The following GRM1 variants were observed in gnomAD, a reference collection of about 807,000 sequenced individuals.
GRM1 encodes the protein glutamate metabotropic receptor 1.
In GRM1, 33 loss-of-function variants were observed where a neutral mutation model predicts 90.9. The ratio of observed to expected loss-of-function variants is 0.36; its 90% CI spans 0.28 to 0.49. The LOEUF is 0.49. Among genes scored for constraint, GRM1 ranks in the 20% least tolerant of loss-of-function variants. The pLI is 0.99. For missense variants in GRM1, 1,190 were observed against 1,534.3 expected (o/e 0.78, Z 3.75); for synonymous variants, 700 against 613.2 (o/e 1.14, Z -2.09).
At chr6:146,105,400 G>A (rs1211268265) in intron 1 of GRM1, among the ~76,000 whole-genome samples, 1 of 151,992 alleles carries the variant, frequency 6.6e-6, no homozygotes, top group Non-Finnish European at 1.5e-5. Flanking sequence ...GTAGATAGGA[G>A]TAAGTTATAA....
chr6:146,031,142 A>G (rs993423741), intron 1 of GRM1, among the ~76,000 whole-genome samples: 2 of 152,140 alleles, frequency 1.3e-5, no homozygotes, highest in Non-Finnish European at 2.9e-5. Flanking sequence ...TTTTTATATA[A>G]AGATTTTCTA....
intron 5 of GRM1, among the ~76,000 whole-genome samples, chr6:146,359,501 A>C (rs566077669): frequency 6.6e-6 from 1 of 152,196 alleles, no homozygotes; most frequent in Non-Finnish European, 1.5e-5. Context: ...TGGAACTGCA[A>C]AGTTCAGTTT....
chr6:146,123,949 A>G (rs532620059), intron 1 of GRM1, among the ~76,000 whole-genome samples: 1 of 152,012 alleles, frequency 6.6e-6, no homozygotes, highest in South Asian at 2.1e-4. Context: ...AAGCAGAAAA[A>G]CTCTGTTTCG....
intron 3 of GRM1, among the ~76,000 whole-genome samples, chr6:146,316,388 C>G (rs1027690616): frequency 3.9e-5 from 6 of 152,198 alleles, no homozygotes; most frequent in Non-Finnish European, 7.3e-5. Flanking sequence ...GTCACATTCG[C>G]AAAGTCTCTT....
chr6:146,386,046 T>C (rs1193213987), intron 5 of GRM1, among the ~76,000 whole-genome samples: 2 of 152,082 alleles, frequency 1.3e-5, no homozygotes, highest in Non-Finnish European at 2.9e-5. Flanking sequence ...TTGATTTGTA[T>C]TTAACCATAC....
At chr6:146,117,928 A>G (rs1297350546) in intron 1 of GRM1, among the ~76,000 whole-genome samples, 1 of 151,986 alleles carries the variant, frequency 6.6e-6, no homozygotes, top group Non-Finnish European at 1.5e-5. Context: ...ATAAACAATT[A>G]TTTATTCAGC....
intron 7 of GRM1, among the ~76,000 whole-genome samples, chr6:146,433,047 T>C (rs995161395): frequency 5.9e-5 from 9 of 152,220 alleles, no homozygotes; most frequent in Admixed American, 2.6e-4. Flanking sequence ...TGCATCAAAC[T>C]ATCCTAAAGC....
intron 5 of GRM1, among the ~76,000 whole-genome samples, chr6:146,372,369 TC>T (rs1775935563): frequency 6.6e-6 from 1 of 152,178 alleles, no homozygotes; most frequent in South Asian, 2.1e-4. Context: ...ATTAATTCCT[TC>T]CTAGATGGGT....
intron 2 of GRM1, among the ~76,000 whole-genome samples, chr6:146,300,206 A>G (rs1783323382): frequency 6.6e-6 from 1 of 152,142 alleles, no homozygotes; most frequent in African/African-American, 2.4e-5. Context: ...TAGCACCTAG[A>G]CTGTAATTAT....
intron 7 of GRM1, among the ~76,000 whole-genome samples, chr6:146,427,856 AAGG>A (rs1468568115): frequency 6.6e-5 from 10 of 152,202 alleles, no homozygotes; most frequent in Non-Finnish European, 1.5e-4. Context: ...AGGACACAGC[AAGG>A]AGATTCTAAT....
chr6:146,117,463 A>G (rs992775624), intron 1 of GRM1, among the ~76,000 whole-genome samples: 10 of 152,044 alleles, frequency 6.6e-5, no homozygotes, highest in Admixed American at 1.3e-4. Flanking sequence ...TATAACTTGC[A>G]TATAGCTGGA....
chr6:146,121,855 T>C (rs1776000835), intron 1 of GRM1, among the ~76,000 whole-genome samples: 1 of 152,218 alleles, frequency 6.6e-6, no homozygotes. Flanking sequence ...CTTCCAACTA[T>C]GTGGTCAATT....
chr6:146,354,132 C>A (rs1583373778), intron 4 of GRM1, among the ~76,000 whole-genome samples: 1 of 152,270 alleles, frequency 6.6e-6, no homozygotes, highest in South Asian at 2.1e-4. Context: ...TTAAAATGAT[C>A]AATTTATCAG....
intron 2 of GRM1, among the ~76,000 whole-genome samples, chr6:146,270,847 CTTTTTCTTTCTT>C (rs1562570946): frequency 2.3e-5 from 3 of 128,346 alleles, no homozygotes; most frequent in African/African-American, 9.7e-5. Context: ...GCCTTTCTTT[CTTTTTCTTTCTT>C]TCTTTCTTTC....
At chr6:146,269,124 G>T (rs528316650) in intron 2 of GRM1, among the ~76,000 whole-genome samples, 5 of 152,136 alleles carry the variant, frequency 3.3e-5, no homozygotes, top group African/African-American at 1.2e-4. Flanking sequence ...GTTTTTATCC[G>T]CCCTGACTGC....
chr6:146,215,787 C>T (rs1372976754), intron 2 of GRM1, among the ~76,000 whole-genome samples: 2 of 149,038 alleles, frequency 1.3e-5, no homozygotes, highest in Admixed American at 6.7e-5. Context: ...GACAGAGTCT[C>T]GCTCTGTTGC....
chr6:146,084,272 C>T (rs1382404042), intron 1 of GRM1, among the ~76,000 whole-genome samples: 1 of 151,824 alleles, frequency 6.6e-6, no homozygotes, highest in Non-Finnish European at 1.5e-5. Flanking sequence ...GTCTTGTCTT[C>T]TGCTGGCTTT....
chr6:146,392,122 GT>G (rs1436692533), intron 6 of GRM1, among the ~76,000 whole-genome samples: 3 of 152,164 alleles, frequency 2.0e-5, no homozygotes, highest in Non-Finnish European at 4.4e-5. Flanking sequence ...TTTAAAATGT[GT>G]TTGGTGGCAA....
At chr6:146,340,057 G>A (rs1164743423) in intron 3 of GRM1, among the ~76,000 whole-genome samples, 3 of 152,162 alleles carry the variant, frequency 2.0e-5, no homozygotes, top group East Asian at 1.9e-4. Context: ...CTCAGCAGTC[G>A]TTGAGGCATA....
Sources: gnomAD v4.1 joint callset for allele counts (sites outside exome capture counted in the v4.1 genomes callset) on GRCh38, gnomAD v4.1.1 for gene constraint, MANE v1.5 for transcripts, NCBI Gene and HGNC (gene_info 2026-07-23, HGNC 2026-07-21) for gene names.